Variants in THRB observed in about 807,000 individuals in gnomAD.
THRB encodes the protein nuclear receptor subfamily 1 group A member 2.
In THRB, 12 loss-of-function variants were observed where a neutral mutation model predicts 47.8. The ratio of observed to expected loss-of-function variants is 0.25; its 90% confidence interval spans 0.16 to 0.41. The LOEUF (loss-of-function observed/expected upper bound fraction) is 0.41, where lower values mean the gene tolerates loss of function less well. Among genes scored for constraint, THRB ranks in the 10% least tolerant of loss-of-function variants. THRB has a pLI of 1.00. For missense variants in THRB, 348 were observed against 589.2 expected (o/e 0.59, Z 4.24); for synonymous variants, 218 against 212.2 (o/e 1.03, Z -0.24).
chr3:24,266,797 A>G (rs1375052491), intron 3 of THRB, among the ~76,000 whole-genome samples: 1 of 152,176 alleles, frequency 6.6e-6, no homozygotes, highest in East Asian at 1.9e-4. Context: ...ACTCTAGTAG[A>G]GTGAAAAAAT....
At chr3:24,339,423 C>T (rs932511712) in intron 1 of THRB, among the ~76,000 whole-genome samples, 6 of 152,108 alleles carry the variant, frequency 3.9e-5, no homozygotes, top group African/African-American at 1.4e-4. Context: ...AAGAGTTAAG[C>T]ATTTTGCCCA....
intron 1 of THRB, among the ~76,000 whole-genome samples, chr3:24,472,472 C>T (rs766728621): frequency 1.3e-5 from 2 of 152,184 alleles, no homozygotes; most frequent in Non-Finnish European, 2.9e-5. Context: ...CTGGAGACTA[C>T]TGACCCCTAA....
intron 1 of THRB, among the ~76,000 whole-genome samples, chr3:24,340,226 C>T (rs893527857): frequency 6.6e-6 from 1 of 152,172 alleles, no homozygotes; most frequent in Non-Finnish European, 1.5e-5. Flanking sequence ...CTAGCAAATA[C>T]ATAATGCATA....
intron 7 of THRB, chr3:24,144,067 A>G (rs1421641440): frequency 3.4e-6 from 1 of 292,756 alleles, no homozygotes; most frequent in Non-Finnish European, 6.6e-6. Context: ...CCAGCCAGTC[A>G]TCCGAATTCA....
At chr3:24,348,602 T>C in intron 1 of THRB, 1 of 152,326 alleles carries the variant, frequency 6.6e-6, no homozygotes, top group Non-Finnish European at 1.5e-5. Context: ...TGCTGTGCTT[T>C]CCTTTCTAGG....
At chr3:24,305,198 T>G (rs144678683) in intron 2 of THRB, among the ~76,000 whole-genome samples, 2,698 of 152,300 alleles carry the variant, frequency 0.018, 52 homozygotes, top group Non-Finnish European at 0.021. Flanking sequence ...AACATCAGCA[T>G]CAGCATCATA....
intron 1 of THRB, among the ~76,000 whole-genome samples, chr3:24,449,723 T>G (rs1203967276): frequency 6.6e-6 from 1 of 152,186 alleles, no homozygotes; most frequent in East Asian, 1.9e-4. Context: ...ACTATATATG[T>G]GAGACTATCT....
chr3:24,333,558 A>G (rs981063378), intron 2 of THRB, among the ~76,000 whole-genome samples: 2 of 152,270 alleles, frequency 1.3e-5, no homozygotes, highest in African/African-American at 2.4e-5. Flanking sequence ...TCTCATGCAC[A>G]TTAAACTAAA....
At chr3:24,328,954 T>G (rs1318382877) in intron 2 of THRB, among the ~76,000 whole-genome samples, 1 of 152,156 alleles carries the variant, frequency 6.6e-6, no homozygotes, top group Non-Finnish European at 1.5e-5. Context: ...TCTTCTTTTT[T>G]TTTTCTTTTT....
At chr3:24,259,759 A>C (rs1294793717) in intron 3 of THRB, among the ~76,000 whole-genome samples, 1 of 151,548 alleles carries the variant, frequency 6.6e-6, no homozygotes, top group Non-Finnish European at 1.5e-5. Flanking sequence ...CTATTTGTTT[A>C]AAGATAGGTA....
chr3:24,372,662 T>C (rs1434049227), intron 1 of THRB, among the ~76,000 whole-genome samples: 1 of 152,088 alleles, frequency 6.6e-6, no homozygotes, highest in Non-Finnish European at 1.5e-5. Flanking sequence ...CATAATATCT[T>C]CTAGCCAAAG....
chr3:24,146,544 T>C, intron 7 of THRB, 131 bp downstream of exon 7: 2 of 973,376 alleles, frequency 2.1e-6, no homozygotes, highest in East Asian at 2.5e-5. Context: ...GAGGGGTGTA[T>C]GCGAAAGTAA....
chr3:24,434,741 CAAG>C (rs1416226369), intron 1 of THRB, among the ~76,000 whole-genome samples: 1 of 152,080 alleles, frequency 6.6e-6, no homozygotes, highest in Admixed American at 6.6e-5. Context: ...CTGGAGAAAA[CAAG>C]AAGGACATTT....
intron 1 of THRB, among the ~76,000 whole-genome samples, chr3:24,355,096 C>T (rs998602628): frequency 1.3e-5 from 2 of 152,062 alleles, no homozygotes; most frequent in Non-Finnish European, 2.9e-5. Flanking sequence ...GCACCTTAAC[C>T]AAGTGATTAA....
intron 3 of THRB, among the ~76,000 whole-genome samples, chr3:24,277,271 T>C (rs921205163): frequency 2.6e-5 from 4 of 152,176 alleles, no homozygotes; most frequent in Non-Finnish European, 2.9e-5. Flanking sequence ...CACGGGCATC[T>C]AGTGGGTAGA....
At chr3:24,261,381 C>T (rs1040305679) in intron 3 of THRB, among the ~76,000 whole-genome samples, 5 of 151,712 alleles carry the variant, frequency 3.3e-5, no homozygotes, top group Non-Finnish European at 7.4e-5. Flanking sequence ...CACCTGTAAT[C>T]CCAGCTACTC....
At chr3:24,171,508 ATC>A (rs1442729051) in intron 5 of THRB, among the ~76,000 whole-genome samples, 1 of 152,150 alleles carries the variant, frequency 6.6e-6, no homozygotes, top group Non-Finnish European at 1.5e-5. Context: ...CATGTATTTT[ATC>A]TGATTATGAG....
chr3:24,387,943 T>G (rs1282150227), intron 1 of THRB, among the ~76,000 whole-genome samples: 1 of 152,042 alleles, frequency 6.6e-6, no homozygotes, highest in Non-Finnish European at 1.5e-5. Flanking sequence ...GATTGTCAGG[T>G]CAGTTCAATG....
chr3:24,440,345 A>G (rs1458610538), intron 1 of THRB, among the ~76,000 whole-genome samples: 1 of 152,142 alleles, frequency 6.6e-6, no homozygotes, highest in Non-Finnish European at 1.5e-5. Flanking sequence ...AGAAAACAGT[A>G]CCTTGATGGG....
Sources: gnomAD v4.1 joint callset for allele counts (sites outside exome capture counted in the v4.1 genomes callset) on GRCh38, gnomAD v4.1.1 for gene constraint, MANE v1.5 for transcripts, NCBI Gene and HGNC (gene_info 2026-07-23, HGNC 2026-07-21) for gene names.